The following MAPKAP1 variants were observed in gnomAD, a reference collection of about 807,000 sequenced individuals.
MAPKAP1 encodes target of rapamycin complex 2 subunit MAPKAP1.
In MAPKAP1, 20 loss-of-function variants were observed where a neutral mutation model predicts 65.7. That is an observed-to-expected ratio of 0.30 (90% confidence interval 0.21 to 0.44). The LOEUF is 0.44. Ranked by LOEUF, MAPKAP1 falls within the 20% of genes least tolerant of loss-of-function variation. The pLI, the probability that MAPKAP1 is intolerant of heterozygous loss-of-function variation, is 1.00. For synonymous variants in MAPKAP1, 222 were observed against 244.3 expected (o/e 0.91, Z 0.85); for missense variants, 423 against 648.0 (o/e 0.65, Z 3.77).
At chr9:125,445,032 T>TGGGCTCCTGCTGGGAGA (rs1589194755) in intron 10 of MAPKAP1, among the ~76,000 whole-genome samples, 2 of 152,270 alleles carry the variant, frequency 1.3e-5, no homozygotes, top group African/African-American at 4.8e-5. Flanking sequence ...CTCCACAGCC[T>TGGGCTCCTGCTGGGAGA]GGGCTCCTGC....
At chr9:125,568,275 A>T (rs564388265) in intron 5 of MAPKAP1, among the ~76,000 whole-genome samples, 2 of 152,198 alleles carry the variant, frequency 1.3e-5, no homozygotes, top group Non-Finnish European at 2.9e-5. Context: ...CTTTGGATTA[A>T]TCCGCCTTGC....
chr9:125,463,461 A>T (rs1184689281), intron 10 of MAPKAP1, among the ~76,000 whole-genome samples: 1 of 152,240 alleles, frequency 6.6e-6, no homozygotes, highest in Admixed American at 6.5e-5. Flanking sequence ...GATCTTGTCA[A>T]GTACTTATGA....
At chr9:125,578,547 A>C (rs1329350283) in intron 5 of MAPKAP1, among the ~76,000 whole-genome samples, 1 of 152,244 alleles carries the variant, frequency 6.6e-6, no homozygotes, top group African/African-American at 2.4e-5. Flanking sequence ...CTAAAACAGA[A>C]GGCAAAAGTA....
intron 4 of MAPKAP1, among the ~76,000 whole-genome samples, chr9:125,612,079 G>C (rs924798411): frequency 2.0e-5 from 3 of 152,060 alleles, no homozygotes; most frequent in Non-Finnish European, 2.9e-5. Context: ...CATTTCCTTT[G>C]ATCATGCTCC....
At chr9:125,706,590 G>T (rs999260006) in intron 1 of MAPKAP1, among the ~76,000 whole-genome samples, 1 of 151,956 alleles carries the variant, frequency 6.6e-6, no homozygotes, top group Non-Finnish European at 1.5e-5. Flanking sequence ...CCTCTTTAAG[G>T]GGGAGGGGGA....
chr9:125,607,630 C>T (rs777135646), intron 4 of MAPKAP1, among the ~76,000 whole-genome samples: 10 of 147,646 alleles, frequency 6.8e-5, no homozygotes, highest in Admixed American at 1.4e-4. Flanking sequence ...ACTGCAAAGT[C>T]GCTTACTTTG....
At chr9:125,507,304 T>C (rs1829170010) in intron 7 of MAPKAP1, among the ~76,000 whole-genome samples, 4 of 152,360 alleles carry the variant, frequency 2.6e-5, no homozygotes, top group South Asian at 4.1e-4. Flanking sequence ...TCCTGTGATC[T>C]GTTAATGGTT....
chr9:125,594,602 T>C (rs933212908), intron 4 of MAPKAP1, among the ~76,000 whole-genome samples: 11 of 152,220 alleles, frequency 7.2e-5, no homozygotes, highest in African/African-American at 1.7e-4. Context: ...TCCAAGAAGG[T>C]AGAAGACGAA....
chr9:125,584,309 T>C (rs1831714733), intron 5 of MAPKAP1, among the ~76,000 whole-genome samples: 1 of 152,068 alleles, frequency 6.6e-6, no homozygotes, highest in Admixed American at 6.5e-5. Context: ...TCAATAAGAA[T>C]TTGAAAAAAT....
At chr9:125,593,932 TTTC>T (rs1012498312) in intron 4 of MAPKAP1, among the ~76,000 whole-genome samples, 1 of 152,138 alleles carries the variant, frequency 6.6e-6, no homozygotes, top group Non-Finnish European at 1.5e-5. Flanking sequence ...CAACACCAAT[TTTC>T]TTCTTCACTG....
At chr9:125,557,648 T>A (rs748735609) in intron 6 of MAPKAP1, among the ~76,000 whole-genome samples, 1 of 146,896 alleles carries the variant, frequency 6.8e-6, no homozygotes, top group Non-Finnish European at 1.5e-5. Flanking sequence ...AAATTACTTA[T>A]TAAAACCACA....
intron 6 of MAPKAP1, among the ~76,000 whole-genome samples, chr9:125,547,273 T>G (rs1395143761): frequency 6.6e-6 from 1 of 152,094 alleles, no homozygotes; most frequent in Non-Finnish European, 1.5e-5. Flanking sequence ...CAGGTCTTCA[T>G]CTGAAAAGCT....
intron 1 of MAPKAP1, among the ~76,000 whole-genome samples, chr9:125,700,537 G>T (rs1289844863): frequency 6.6e-6 from 1 of 151,994 alleles, no homozygotes; most frequent in East Asian, 1.9e-4. Flanking sequence ...GTTCTTTCTA[G>T]AGTTTCGGGT....
intron 4 of MAPKAP1, among the ~76,000 whole-genome samples, chr9:125,637,841 C>T (rs1199536024): frequency 6.6e-6 from 1 of 152,224 alleles, no homozygotes; most frequent in Non-Finnish European, 1.5e-5. Context: ...GGCGCAGTCT[C>T]AGTTCACTGC....
chr9:125,703,709 T>G (rs1018832151), intron 1 of MAPKAP1, among the ~76,000 whole-genome samples: 2 of 150,476 alleles, frequency 1.3e-5, no homozygotes, highest in African/African-American at 4.9e-5. Flanking sequence ...GAGGCAGAGG[T>G]TGCAGTCAGC....
intron 4 of MAPKAP1, among the ~76,000 whole-genome samples, chr9:125,614,903 T>C (rs903310159): frequency 3.9e-5 from 6 of 152,186 alleles, no homozygotes; most frequent in African/African-American, 1.4e-4. Context: ...TGTGAAGCAA[T>C]AAAAAGAATT....
In MAPKAP1 at chr9:125,492,686, T is replaced by C. The variant is rs538567830; in HGVS notation, c.1067-8103A>G. ...AAACTGCATGGGACTTTAACATTCA[T>C]TTTATGGTTCAAGGAGTCTTACACC... is the stretch of plus-strand genomic sequence containing the variant. On this transcript the variant is annotated intron_variant, in intron 8 of 11. Coordinates refer to ENST00000265960, the MANE Select transcript of MAPKAP1 (RefSeq NM_001006617.3). Among the ~76,000 whole-genome samples the C allele has an allele frequency of 2.6e-5, 4 of 152,346 alleles. No individual in the cohort carries two copies. In the East Asian group the frequency reaches 7.7e-4, roughly 29 times the overall value.
intron 4 of MAPKAP1, among the ~76,000 whole-genome samples, chr9:125,618,727 A>T (rs1309630628): frequency 6.6e-6 from 1 of 151,706 alleles, no homozygotes; most frequent in East Asian, 1.9e-4. Flanking sequence ...TAAAACAACA[A>T]CAAACAAACA....
intron 1 of MAPKAP1, among the ~76,000 whole-genome samples, chr9:125,679,778 A>G (rs1026674456): frequency 6.6e-6 from 1 of 152,160 alleles, no homozygotes; most frequent in Non-Finnish European, 1.5e-5. Context: ...CGTCTATCCA[A>G]TGGTTAGAAG....
Sources: allele counts gnomAD v4.1 joint callset (sites outside exome capture counted in the v4.1 genomes callset), GRCh38; gene constraint gnomAD v4.1.1; transcripts MANE v1.5; gene names NCBI Gene and HGNC (gene_info 2026-07-23, HGNC 2026-07-21).